BIRC6: variants seen among roughly 807,000 people sequenced by gnomAD.
The protein encoded by BIRC6 is baculoviral IAP repeat containing 6, also known as dual E2 ubiquitin-conjugating enzyme/E3 ubiquitin-protein ligase BIRC6.
BIRC6 carries 98 observed loss-of-function variants against 503.3 expected under a neutral mutation model. The observed-to-expected ratio is 0.19, with a 90% CI of 0.17 to 0.23. The LOEUF (loss-of-function observed/expected upper bound fraction) is 0.23, where lower values mean the gene tolerates loss of function less well. Among genes scored for constraint, BIRC6 ranks in the 10% least tolerant of loss-of-function variants. BIRC6 has a pLI of 1.00. For synonymous variants in BIRC6, 2,240 were observed against 2,078.7 expected, an observed-to-expected ratio of 1.08 and a Z score of -2.11; for missense variants, 5,360 against 5,806.0, an observed-to-expected ratio of 0.92 and a Z score of 2.50.
At position 32,515,215 on chromosome 2, in the gene BIRC6, T is replaced by C. The variant is rs2054903197; in HGVS notation, c.10794T>C (p.Asn3598=). The change falls in exon 55 of 74, where the codon AAT becomes AAC. Residue 3598 remains asparagine (N), a synonymous_variant. Coordinates refer to ENST00000421745, the MANE Select transcript of BIRC6 (RefSeq NM_016252.4). ...LSSSLTDDSK[N]AQAPLALTES... ...CATCTTTAACAGATGACTCTAAAAA[T>C]GCACAAGCACCTCTCGCATTAACTG... 6.2e-7 allele frequency: 1 copy of C among 1,613,954 alleles called. No homozygotes were observed. Among genetic ancestry groups the C allele is most frequent in the Non-Finnish European group, 8.5e-7 (1 of 1,179,890 alleles).
chr2:32,431,902 G>A (rs1303989431), intron 12 of BIRC6, among the ~76,000 whole-genome samples: 3 of 152,242 alleles, frequency 2.0e-5, no homozygotes, highest in African/African-American at 7.2e-5. Context: ...CAATAGAGTA[G>A]TAGTTGGATA....
chr2:32,438,558 CTTT>C (rs1242771915), intron 15 of BIRC6, among the ~76,000 whole-genome samples: 6 of 126,966 alleles, frequency 4.7e-5, no homozygotes, highest in Non-Finnish European at 5.1e-5. Flanking sequence ...TTTGAGTGTT[CTTT>C]TTTTTTTTTT....
intron 57 of BIRC6, 197 bp from the exon 58 acceptor site, chr2:32,524,691 A>G (rs1168319464): frequency 7.5e-6 from 2 of 267,188 alleles, no homozygotes; most frequent in Non-Finnish European, 1.4e-5. Context: ...GCTTAAGTAC[A>G]GTGGTGAGTC....
At chr2:32,461,846 T>C (rs887609931) in intron 23 of BIRC6, among the ~76,000 whole-genome samples, 8 of 152,142 alleles carry the variant, frequency 5.3e-5, no homozygotes, top group African/African-American at 1.7e-4. Context: ...CTCATACGTA[T>C]AATAGTAGCA....
intron 1 of BIRC6, among the ~76,000 whole-genome samples, chr2:32,358,917 G>T (rs2033621086): frequency 1.3e-5 from 2 of 152,308 alleles, no homozygotes; most frequent in South Asian, 4.1e-4. Context: ...GCTTCTCACT[G>T]TGTGTAAGAG....
chr2:32,536,240 G>C (rs1244667528), intron 61 of BIRC6, among the ~76,000 whole-genome samples: 1 of 151,894 alleles, frequency 6.6e-6, no homozygotes, highest in Non-Finnish European at 1.5e-5. Context: ...CAAAAATTTT[G>C]TCCTATTCTG....
At chr2:32,451,329 A>G (rs927744280) in intron 22 of BIRC6, among the ~76,000 whole-genome samples, 1 of 152,104 alleles carries the variant, frequency 6.6e-6, no homozygotes, top group African/African-American at 2.4e-5. Context: ...TGATTCTCAA[A>G]GTGTGTTCTA....
intron 8 of BIRC6, among the ~76,000 whole-genome samples, chr2:32,403,057 A>G (rs2040772750): frequency 6.6e-6 from 1 of 152,220 alleles, no homozygotes; most frequent in South Asian, 2.1e-4. Flanking sequence ...TCTAGGGTCG[A>G]AGGTCAATTT....
At chr2:32,598,107 C>T in intron 69 of BIRC6, 139 bp downstream of exon 69, 5 of 803,072 alleles carry the variant, frequency 6.2e-6, no homozygotes, top group Non-Finnish European at 9.4e-6. Flanking sequence ...TTTTAGACGG[C>T]AGTGAAAGGA....
chr2:32,593,490 T>G (rs2061502632), intron 66 of BIRC6, among the ~76,000 whole-genome samples: 1 of 152,160 alleles, frequency 6.6e-6, no homozygotes, highest in African/African-American at 2.4e-5. Flanking sequence ...GTAATGAACC[T>G]ACATTTTACT....
chr2:32,607,757 C>T (rs1573349664), intron 72 of BIRC6, 114 bp downstream of exon 72: 4 of 786,568 alleles, frequency 5.1e-6, no homozygotes, highest in Non-Finnish European at 7.5e-6. Flanking sequence ...GCAGGTGGAT[C>T]ACTTCAGGTC....
At chr2:32,506,435 T>C (rs571453130) in intron 50 of BIRC6, among the ~76,000 whole-genome samples, 1 of 152,256 alleles carries the variant, frequency 6.6e-6, no homozygotes, top group Non-Finnish European at 1.5e-5. Flanking sequence ...AAGGAAAATA[T>C]GCTAGTACAC....
intron 45 of BIRC6, among the ~76,000 whole-genome samples, chr2:32,496,170 T>G (rs2052445910): frequency 1.3e-5 from 2 of 152,104 alleles, no homozygotes; most frequent in South Asian, 4.1e-4. Context: ...CTTTTTTCAT[T>G]GGATTCCCTT....
intron 50 of BIRC6, among the ~76,000 whole-genome samples, chr2:32,506,750 C>T (rs749921320): frequency 1.3e-5 from 2 of 152,190 alleles, no homozygotes; most frequent in Non-Finnish European, 2.9e-5. Context: ...TGTTGTGATA[C>T]AGTGGAAATA....
At chr2:32,438,451 T>C (rs1055273032) in intron 15 of BIRC6, among the ~76,000 whole-genome samples, 1 of 152,126 alleles carries the variant, frequency 6.6e-6, no homozygotes, top group Non-Finnish European at 1.5e-5. Flanking sequence ...TGCTGGCAGA[T>C]GTAGTAATTT....
chr2:32,429,331 G>T, intron 11 of BIRC6, 36 bp downstream of exon 11: 18 of 1,381,084 alleles, frequency 1.3e-5, no homozygotes, highest in East Asian at 2.6e-5. Flanking sequence ...TTTAAAAAAA[G>T]AATAGGTAGT....
rs1289047233 is a variant in BIRC6 at position 32,401,206 on chromosome 2, G to C, written c.1078G>C (p.Gly360Arg). Residue 360 changes from glycine to arginine, a missense_variant, in exon 7 of 74, where the codon GGT becomes CGT. Gly to Arg is a moderately radical substitution (Grantham distance 125). Transcript: ENST00000421745. ...RHSPNCPFVKGEHTQNVPLSV... is the reference protein window; with the variant it reads ...RHSPNCPFVKREHTQNVPLSV... ...TTCCCCAAACTGCCCATTTGTGAAA[G>C]GTGAGCACACACAGAATGTGCCATT... The C allele has an allele frequency of 6.2e-7, 1 of 1,613,916 alleles. No individual in the cohort carries two copies.
chr2:32,582,729 C>G (rs1365225647), intron 66 of BIRC6, among the ~76,000 whole-genome samples: 1 of 152,102 alleles, frequency 6.6e-6, no homozygotes, highest in Non-Finnish European at 1.5e-5. Flanking sequence ...GCACTCTAGC[C>G]TGTGGGATAG....
intron 65 of BIRC6, among the ~76,000 whole-genome samples, chr2:32,553,749 A>C (rs919482565): frequency 5.3e-5 from 8 of 152,196 alleles, no homozygotes; most frequent in Non-Finnish European, 1.2e-4. Flanking sequence ...CAGAAACATA[A>C]ATCTTCATAT....
Sources: allele counts gnomAD v4.1 joint callset (sites outside exome capture counted in the v4.1 genomes callset), GRCh38; gene constraint gnomAD v4.1.1; transcripts MANE v1.5; gene names NCBI Gene and HGNC (gene_info 2026-07-23, HGNC 2026-07-21).